ALG3: variants seen among roughly 807,000 people sequenced by gnomAD.
ALG3 encodes the protein dol-P-Man:Man(5)GlcNAc(2)-PP-Dol alpha-1,3-mannosyltransferase.
ALG3 carries 39 observed loss-of-function variants against 50.5 expected under a neutral mutation model. The observed-to-expected ratio is 0.77, with a 90% CI of 0.60 to 1.01. The LOEUF (loss-of-function observed/expected upper bound fraction) is 1.01, where lower values mean the gene tolerates loss of function less well. Among genes scored for constraint, ALG3 ranks in the 50% least tolerant of loss-of-function variants. ALG3 has a pLI of 0.00. For synonymous variants in ALG3, 252 were observed against 237.2 expected (o/e 1.06, Z -0.58); for missense variants, 520 against 554.8 (o/e 0.94, Z 0.63).
In ALG3 at chr3:184,245,758, C is replaced by A; in HGVS notation, c.251G>T (p.Gly84Val). Residue 84 changes from glycine (G) to valine (V), a missense_variant, in exon 2 of 9, where the codon GGT becomes GTT. Transcript: ENST00000397676. ...CTGCAGTTGGGTATAGTCATAGGTACCATTGATGACGCCTTCTACCTCGGC... is the reference window on the plus strand; with the variant it reads ...CTGCAGTTGGGTATAGTCATAGGTAACATTGATGACGCCTTCTACCTCGGC... ...YMAEVEGVIN[G>V]TYDYTQLQGD... 1 of 1,613,930 alleles carries A rather than the reference C, an allele frequency of 6.2e-7. No homozygotes were observed. The highest frequency in any genetic ancestry group is 8.5e-7 in the Non-Finnish European group (1 of 1,179,858).
chr3:184,245,287 G>C lies in ALG3; in HGVS notation c.516C>G (p.Leu172=), dbSNP rs1719068789. The C allele has an allele frequency of 6.2e-7, 1 of 1,613,600 alleles. No individual in the cohort carries two copies. Among genetic ancestry groups the C allele is most frequent in the Admixed American group, 1.7e-5 (1 of 59,936 alleles). The change falls in exon 4 of 9, where the codon CTC becomes CTG. Residue 172 remains leucine, a synonymous_variant. Transcript: ENST00000397676. The part of the protein sequence containing the change: ...YRVHSIFVLR[L]FNDPVAMVLL... ...GCACCATGGCCACTGGGTCATTGAAGAGCCGCAGCACAAAGATGGAGTGGA... is the reference window on the plus strand; with the variant it reads ...GCACCATGGCCACTGGGTCATTGAACAGCCGCAGCACAAAGATGGAGTGGA...
intron 5 of ALG3, 104 bp from the exon 6 acceptor site, chr3:184,244,100 G>A: frequency 2.6e-6 from 3 of 1,167,840 alleles, no homozygotes; most frequent in Non-Finnish European, 3.6e-6. Context: ...AGGCCTCAGA[G>A]GTTCCCCAAT....
upstream of ALG3, chr3:184,249,442 CCACGTGAGTCTGA>C (rs1430110581): frequency 1.2e-6 from 1 of 825,290 alleles, no homozygotes; most frequent in Non-Finnish European, 1.9e-6. Context: ...AGTGATGAGC[CCACGTGAGTCTGA>C]CACCTTGAGT....
In ALG3 at chr3:184,245,184, GA is replaced by G; in HGVS notation, c.605+13del. On this transcript the variant is annotated intron_variant, in intron 4 of 8. Coordinates refer to ENST00000397676, the MANE Select transcript of ALG3 (RefSeq NM_005787.6). ...CAGAAAACGAGAGGGGACCAGAAAG[GA>G]AGAGGTGTTGACCTGAAAAAGCAGC... The G allele has an allele frequency of 6.2e-7, 1 of 1,613,780 alleles. No homozygotes were observed. Among genetic ancestry groups the G allele is most frequent in the Non-Finnish European group, 8.5e-7 (1 of 1,179,828 alleles).
upstream of ALG3, chr3:184,249,305 G>T: frequency 6.2e-7 from 1 of 1,602,934 alleles, no homozygotes; most frequent in Non-Finnish European, 8.5e-7. Flanking sequence ...CTCCAGGAGG[G>T]CAAAGCCCCT....
upstream of ALG3, chr3:184,249,283 T>C: frequency 6.2e-7 from 1 of 1,610,308 alleles, no homozygotes; most frequent in Middle Eastern, 1.7e-4. Flanking sequence ...AACATCTGTG[T>C]TCATGCTGTC....
At chr3:184,245,417 C>A in intron 3 of ALG3, 51 bp downstream of exon 3, 1 of 1,613,190 alleles carries the variant, frequency 6.2e-7, no homozygotes, top group Non-Finnish European at 8.5e-7. Flanking sequence ...CCATCCCCAC[C>A]ACCCAGCCCT....
chr3:184,248,676 CTGA>C, intron 1 of ALG3, 66 bp downstream of exon 1: 1 of 1,410,004 alleles, frequency 7.1e-7, no homozygotes, highest in Non-Finnish European at 9.6e-7. Context: ...AGTTCCAGGT[CTGA>C]GATCCAGTTT....
At chr3:184,245,937 C>A in intron 1 of ALG3, 125 bp from the exon 2 acceptor site, 1 of 708,056 alleles carries the variant, frequency 1.4e-6, no homozygotes, top group African/African-American at 1.8e-5. Flanking sequence ...ACCTCTTAAT[C>A]TAACTCTTTA....
At chr3:184,246,677 C>CTTTTTTTTTT in intron 1 of ALG3, among the ~76,000 whole-genome samples, 1 of 147,124 alleles carries the variant, frequency 6.8e-6, no homozygotes, top group African/African-American at 2.6e-5. Context: ...ACCAGGCTGT[C>CTTTTTTTTTT]TTCTTTTTTT....
chr3:184,245,939 AACTCTTTATCTG>A (rs1425047180), intron 1 of ALG3, 127 bp from the exon 2 acceptor site: 2 of 697,780 alleles, frequency 2.9e-6, no homozygotes, highest in African/African-American at 1.8e-5. Flanking sequence ...CTCTTAATCT[AACTCTTTATCTG>A]ACATTCTCTG....
intron 1 of ALG3, among the ~76,000 whole-genome samples, chr3:184,247,426 T>C (rs1052741938): frequency 1.3e-5 from 2 of 151,792 alleles, no homozygotes; most frequent in Non-Finnish European, 2.9e-5. Context: ...ACCTCCCGAG[T>C]AGCTGGGATT....
upstream of ALG3, chr3:184,249,516 A>T: frequency 2.5e-6 from 2 of 784,930 alleles, no homozygotes; most frequent in Non-Finnish European, 4.0e-6. Flanking sequence ...CAGGGTCTGG[A>T]CGATAGTTTT....
chr3:184,249,172 G>A (rs1719385045), upstream of ALG3: 9 of 1,590,318 alleles, frequency 5.7e-6, no homozygotes, highest in Non-Finnish European at 7.7e-6. Flanking sequence ...CCAGCCCTGG[G>A]TACACAGGCG....
intron 1 of ALG3, 73 bp from the exon 2 acceptor site, chr3:184,245,885 C>A (rs561457244): frequency 2.7e-5 from 32 of 1,179,744 alleles, no homozygotes; most frequent in Middle Eastern, 2.0e-4. Flanking sequence ...TGCCTCCAGA[C>A]CATCAAAACA....
Position 184,243,831 on chromosome 3 carries a change from GGT to G in ALG3, c.890_891del (p.His297ProfsTer198), listed in dbSNP as rs765684289. On this transcript the variant is annotated frameshift_variant, in exon 6 of 9. Transcript: ENST00000397676. LOFTEE classifies it high-confidence loss of function. ...AGGGCAAACAGCAGGAGCAGGGTGA[GGT>G]GGGCAGTCAACAGGGCCAGGTGGAA... ...RAFHLALLTA[H>X]LTLLLLFALC... The G allele has an allele frequency of 8.1e-6, 13 of 1,613,904 alleles. No homozygotes were observed. The highest frequency in any genetic ancestry group is 1.3e-5 in the African/African-American group (1 of 74,938).
rs751884896 is a variant in ALG3, at chr3:184,242,992, T to C, written c.1010-35A>G. On this transcript the variant is annotated intron_variant, in intron 7 of 8. Coordinates refer to ENST00000397676, the MANE Select transcript of ALG3 (RefSeq NM_005787.6). ...GGTCAAGGCCAAGGGCAGGAGTGTG[T>C]GTGGGGGGGACTATCCCAAAACAGA... 3.4e-5 allele frequency: 54 copies of C among 1,609,608 alleles called. 1 individual carries two copies. In the East Asian group the frequency reaches 1.2e-3, roughly 36 times the overall value.
chr3:184,245,077 T>G, intron 4 of ALG3, 121 bp downstream of exon 4: 1 of 1,321,900 alleles, frequency 7.6e-7, no homozygotes, highest in Non-Finnish European at 1.1e-6. Context: ...TGGACTCGCT[T>G]TGTGGAGCCC....
chr3:184,244,053 T>G, intron 5 of ALG3, 57 bp from the exon 6 acceptor site: 22 of 1,535,090 alleles, frequency 1.4e-5, no homozygotes, highest in Non-Finnish European at 2.0e-5. Context: ...ATGACCAGCC[T>G]TCATGCTACT....
Sources: allele counts gnomAD v4.1 joint callset (sites outside exome capture counted in the v4.1 genomes callset), GRCh38; gene constraint gnomAD v4.1.1; transcripts MANE v1.5; gene names NCBI Gene and HGNC (gene_info 2026-07-23, HGNC 2026-07-21).